The following SLC17A1 variants were observed in gnomAD, a reference collection of about 807,000 sequenced individuals.
SLC17A1 encodes sodium-dependent phosphate transport protein 1.
A neutral mutation model predicts 53.5 loss-of-function variants in SLC17A1; 51 were observed. The observed-to-expected ratio is 0.95, with a 90% CI of 0.76 to 1.20. The LOEUF is 1.20. Among genes scored for constraint, SLC17A1 ranks in the 50% most tolerant of loss-of-function variants. SLC17A1 has a pLI of 0.00. For missense variants in SLC17A1, 538 were observed against 568.2 expected (o/e 0.95, Z 0.54); for synonymous variants, 179 against 198.8 (o/e 0.90, Z 0.84).
chr6:25,775,274 G>T, the SLC17A1 span, among the ~76,000 whole-genome samples: 1 of 151,368 alleles, frequency 6.6e-6, no homozygotes, highest in South Asian at 2.1e-4. Flanking sequence ...GGAGGTTTCA[G>T]TGAGCCGAGA....
At chr6:25,766,236 CAACT>C in the SLC17A1 span, among the ~76,000 whole-genome samples, 1 of 151,064 alleles carries the variant, frequency 6.6e-6, no homozygotes, top group African/African-American at 2.4e-5. Flanking sequence ...TGTCAAAAAA[CAACT>C]AAGAAATGAA....
At chr6:25,806,384 T>G (rs1323905814) in intron 10 of SLC17A1, among the ~76,000 whole-genome samples, 1 of 151,946 alleles carries the variant, frequency 6.6e-6, no homozygotes, top group Non-Finnish European at 1.5e-5. Context: ...TACCTCAAAA[T>G]AATAAAAGTC....
At chr6:25,731,687 TAATAAAA>T in the SLC17A1 span, 2 of 839,448 alleles carry the variant, frequency 2.4e-6, no homozygotes, top group Non-Finnish European at 3.5e-6. Context: ...GCATACTCTA[TAATAAAA>T]TAAACATTCT....
intron 1 of SLC17A1, among the ~76,000 whole-genome samples, chr6:25,831,142 G>T (rs1764932048): frequency 6.6e-6 from 1 of 152,116 alleles, no homozygotes; most frequent in Admixed American, 6.5e-5. Context: ...ACGTCCACAT[G>T]CCCCTGTCCG....
At chr6:25,770,884 A>T in the SLC17A1 span, 2 of 1,488,168 alleles carry the variant, frequency 1.3e-6, no homozygotes, top group Admixed American at 1.7e-5. Context: ...GAGCCCCAAG[A>T]CGAGTCCTCT....
the SLC17A1 span, among the ~76,000 whole-genome samples, chr6:25,764,147 G>C: frequency 6.6e-6 from 1 of 152,162 alleles, no homozygotes. Context: ...ACCTGCAGCT[G>C]CCTCCAGAGC....
intron 12 of SLC17A1, among the ~76,000 whole-genome samples, chr6:25,796,260 C>T (rs774432011): frequency 4.2e-4 from 64 of 152,230 alleles, no homozygotes; most frequent in Admixed American, 2.7e-3. Flanking sequence ...AATGTATTAA[C>T]TAAGGCTGTA....
intron 12 of SLC17A1, among the ~76,000 whole-genome samples, chr6:25,789,392 G>GAAATATTTACATAGTTCCAAAGTATGT (rs879575749): frequency 1.6e-4 from 24 of 152,246 alleles, no homozygotes; most frequent in East Asian, 1.2e-3. Context: ...GATGTAGGAT[G>GAAATATTTACATAGTTCCAAAGTATGT]AAATATTTAC....
At chr6:25,760,718 T>G in the SLC17A1 span, among the ~76,000 whole-genome samples, 1 of 152,216 alleles carries the variant, frequency 6.6e-6, no homozygotes, top group Non-Finnish European at 1.5e-5. Flanking sequence ...CCGTTGATTT[T>G]GCTAATTCTT....
chr6:25,815,733 G>A (rs1764328964), intron 6 of SLC17A1, among the ~76,000 whole-genome samples: 1 of 152,126 alleles, frequency 6.6e-6, no homozygotes, highest in African/African-American at 2.4e-5. Flanking sequence ...CTCTCCAGGA[G>A]TGGTCTTGGA....
chr6:25,830,572 G>A lies in SLC17A1; in HGVS notation c.-15C>T. On this transcript the variant is annotated 5_prime_UTR_variant, in exon 2 of 13. Coordinates refer to ENST00000244527, the MANE Select transcript of SLC17A1 (RefSeq NM_005074.5). The stretch of plus-strand genomic sequence containing the variant: ...TCCATTTGCATACACGGCTGAAGTT[G>A]CTTCTCTTCTTGCTGAAGGGTTTTG... 1 of 1,613,760 alleles carries A rather than the reference G, an allele frequency of 6.2e-7. No homozygotes were observed. The highest frequency in any genetic ancestry group is 8.5e-7 in the Non-Finnish European group (1 of 1,179,758).
the SLC17A1 span, among the ~76,000 whole-genome samples, chr6:25,744,590 T>G: frequency 6.6e-6 from 1 of 152,186 alleles, no homozygotes; most frequent in African/African-American, 2.4e-5. Context: ...ACAGTACATT[T>G]TAGTATTTAC....
chr6:25,777,862 G>A, the SLC17A1 span: 29 of 1,351,310 alleles, frequency 2.1e-5, no homozygotes, highest in South Asian at 3.6e-5. Context: ...TCCCTCTCCC[G>A]GGTATTGAGA....
Position 25,783,057 on chromosome 6 carries a change from A to T in SLC17A1, c.*164T>A, listed in dbSNP as rs1763300461. On this transcript the variant is annotated 3_prime_UTR_variant, in exon 13 of 13. Coordinates refer to ENST00000244527, the MANE Select transcript of SLC17A1 (RefSeq NM_005074.5). ...TACAAACAACACATGTTAAAAAACG[A>T]TGCACACAGGATATGTGGGAGGGTA... The T allele has an allele frequency of 6.6e-6, 1 of 152,172 alleles. No individual in the cohort carries two copies. The allele number at this position is 152,172 out of a possible 1,614,324, so 9.4% of individuals were successfully genotyped here.
At chr6:25,831,267 T>G (rs974223782) in intron 1 of SLC17A1, among the ~76,000 whole-genome samples, 4 of 152,208 alleles carry the variant, frequency 2.6e-5, no homozygotes, top group South Asian at 2.1e-4. Flanking sequence ...CCATCAGAAT[T>G]CAGCACCAAT....
At chr6:25,744,499 A>G in the SLC17A1 span, among the ~76,000 whole-genome samples, 1 of 152,230 alleles carries the variant, frequency 6.6e-6, no homozygotes, top group Non-Finnish European at 1.5e-5. Flanking sequence ...GGAATTTTGC[A>G]AACTGGTTGT....
In SLC17A1 at chr6:25,801,290, T is replaced by C. The variant is rs137981470; in HGVS notation, c.1179-310A>G. Reference sequence around the variant, plus strand: ...GAGAAATTCAGAAGGTGATATGTTTTGGTAATGGGAACTGGTTTGGGGTTA... The same window carrying C: ...GAGAAATTCAGAAGGTGATATGTTTCGGTAATGGGAACTGGTTTGGGGTTA... On this transcript the variant is annotated intron_variant, in intron 10 of 12. Transcript: ENST00000244527. Among the ~76,000 whole-genome samples the C allele has an allele frequency of 9.7e-3, 1,474 of 152,296 alleles. 22 individuals are homozygous for C. The highest frequency in any genetic ancestry group is 0.019 in the African/African-American group (786 of 41,540).
chr6:25,726,824 T>TAG, the SLC17A1 span: 1 of 1,467,428 alleles, frequency 6.8e-7, no homozygotes, highest in Non-Finnish European at 9.2e-7. Context: ...TGGAGCTGTT[T>TAG]AATACTGAAG....
chr6:25,814,918 TG>T (rs984580383), intron 6 of SLC17A1, among the ~76,000 whole-genome samples: 1 of 151,398 alleles, frequency 6.6e-6, no homozygotes, highest in Admixed American at 6.6e-5. Context: ...TCCAGGAGGC[TG>T]AGGTTGCAGT....
Sources: gnomAD v4.1 joint callset for allele counts (sites outside exome capture counted in the v4.1 genomes callset) on GRCh38, gnomAD v4.1.1 for gene constraint, MANE v1.5 for transcripts, NCBI Gene and HGNC (gene_info 2026-07-23, HGNC 2026-07-21) for gene names.